The following ACTN2 variants were observed in gnomAD, a reference collection of about 807,000 sequenced individuals.
ACTN2 encodes actinin alpha 2.
Under a neutral mutation model 113.8 loss-of-function variants are expected in ACTN2, and 39 were observed. The observed-to-expected ratio is 0.34, with a 90% CI of 0.27 to 0.45. The LOEUF is 0.45. Among genes scored for constraint, ACTN2 ranks in the 20% least tolerant of loss-of-function variants. The pLI is 1.00. For missense variants in ACTN2, 992 were observed against 1,177.9 expected, an observed-to-expected ratio of 0.84 and a Z score of 2.31; for synonymous variants, 429 against 444.1, an observed-to-expected ratio of 0.97 and a Z score of 0.43.
chr1:236,721,009 GTTTTTGTTTTTTGTTT>G (rs1286669960), intron 4 of ACTN2, among the ~76,000 whole-genome samples: 2 of 5,818 alleles, frequency 3.4e-4, no homozygotes, highest in African/African-American at 7.9e-4. Flanking sequence ...TCTGACTCTG[GTTTTTGTTTTTTGTTT>G]TTTTTTTTTT....
In ACTN2 at chr1:236,763,243, A is replaced by AT; in HGVS notation, c.*627dup. ...AAATAGTTTATGTCATCTCTTCATT[A>AT]TTTAGGGCTGGATGGTCAACTCAGT... is the stretch of plus-strand genomic sequence containing the variant. On this transcript the variant is annotated 3_prime_UTR_variant, in exon 21 of 21. Transcript: ENST00000366578. 1 of 158,274 alleles carries AT rather than the reference A, an allele frequency of 6.3e-6. No individual in the cohort carries two copies. The highest frequency in any genetic ancestry group is 2.4e-5 in the African/African-American group (1 of 41,470). The allele number at this position is 158,274 out of a possible 1,614,324, so 9.8% of individuals were successfully genotyped here. A position where few individuals can be genotyped will look rare whatever the true frequency, so the allele number is the denominator to read the frequency against.
intron 1 of ACTN2, among the ~76,000 whole-genome samples, chr1:236,709,959 T>G (rs1446441168): frequency 5.3e-5 from 8 of 152,232 alleles, no homozygotes; most frequent in Non-Finnish European, 1.2e-4. Flanking sequence ...TTGCCAAATT[T>G]TTTTTTTGGA....
chr1:236,702,365 G>A (rs1472844354), intron 1 of ACTN2, among the ~76,000 whole-genome samples: 1 of 152,124 alleles, frequency 6.6e-6, no homozygotes, highest in Non-Finnish European at 1.5e-5. Context: ...TTAAAGATAT[G>A]TATTTAAATA....
chr1:236,715,377 A>G (rs1452949196), intron 1 of ACTN2, among the ~76,000 whole-genome samples: 3 of 146,408 alleles, frequency 2.0e-5, no homozygotes, highest in Non-Finnish European at 3.0e-5. Context: ...AAATAAATAC[A>G]TAAAATTAAT....
In ACTN2 at chr1:236,743,004, T is replaced by G. The variant is rs1572135580; in HGVS notation, c.1216T>G (p.Phe406Val). ...LERLEHLAEK[F>V]RQKASTHETW... Reference sequence around the variant, plus strand: ...GCGCTTGGAACACCTGGCTGAGAAGTTCAGGCAGAAGGCCTCAACGCACGA... The same window carrying G: ...GCGCTTGGAACACCTGGCTGAGAAGGTCAGGCAGAAGGCCTCAACGCACGA... The change falls in exon 11 of 21, where the codon TTC becomes GTC. Residue 406 changes from phenylalanine (F) to valine (V), a missense_variant. Phe to Val is a conservative substitution (Grantham distance 50). Transcript: ENST00000366578. The G allele has an allele frequency of 1.9e-6, 3 of 1,614,052 alleles. No homozygotes were observed. The highest frequency in any genetic ancestry group is 2.5e-6 in the Non-Finnish European group (3 of 1,180,014).
At chr1:236,713,550 A>G (rs1658115934) in intron 1 of ACTN2, among the ~76,000 whole-genome samples, 1 of 150,558 alleles carries the variant, frequency 6.6e-6, no homozygotes, top group Admixed American at 6.6e-5. Flanking sequence ...TGTATATCCT[A>G]TGATTTGTGT....
In ACTN2 at chr1:236,739,324, C is replaced by A. The variant is rs144025957; in HGVS notation, c.899C>A (p.Thr300Lys). 2 of 1,613,992 alleles carry A rather than the reference C, an allele frequency of 1.2e-6. No homozygotes were observed. Among genetic ancestry groups the A allele is most frequent in the South Asian group, 2.2e-5 (2 of 91,068 alleles). The part of the protein sequence containing the change: ...ASELLEWIRR[T>K]IPWLENRTPE... ...CAGCTTTTGGAATGGATTCGTCGCA[C>A]GATCCCCTGGCTGGAGAACCGGACT... Residue 300 changes from threonine (T) to lysine (K), a missense_variant, in exon 10 of 21, where the codon ACG (threonine) becomes AAG (lysine). Thr to Lys is a moderately conservative substitution (Grantham distance 78, BLOSUM62 -1). Transcript: ENST00000366578.
At chr1:236,746,037 G>A (rs571793320) in intron 12 of ACTN2, among the ~76,000 whole-genome samples, 15 of 151,576 alleles carry the variant, frequency 9.9e-5, no homozygotes, top group Non-Finnish European at 1.9e-4. Context: ...ATGGTGGCGG[G>A]CACCTGTAGT....
intron 14 of ACTN2, among the ~76,000 whole-genome samples, chr1:236,749,822 G>A (rs1213263130): frequency 7.2e-5 from 11 of 151,798 alleles, no homozygotes; most frequent in African/African-American, 2.4e-4. Context: ...CAACAACAAC[G>A]ACAACTACAA....
At chr1:236,715,831 C>T (rs1393473358) in intron 1 of ACTN2, among the ~76,000 whole-genome samples, 2 of 152,178 alleles carry the variant, frequency 1.3e-5, no homozygotes, top group African/African-American at 4.8e-5. Context: ...TGGCAGGCAC[C>T]TGTATTCCTA....
intron 11 of ACTN2, among the ~76,000 whole-genome samples, 179 bp from the exon 12 acceptor site, chr1:236,744,447 A>G (rs1659164012): frequency 1.3e-5 from 2 of 152,192 alleles, no homozygotes; most frequent in African/African-American, 4.8e-5. Flanking sequence ...GGGCTGGGGC[A>G]TCCTCAGCAG....
At chr1:236,701,014 T>A (rs1657657571) in intron 1 of ACTN2, among the ~76,000 whole-genome samples, 1 of 152,154 alleles carries the variant, frequency 6.6e-6, no homozygotes, top group Non-Finnish European at 1.5e-5. Flanking sequence ...CTCTGTTCCT[T>A]ATGAAATGAA....
At chr1:236,720,363 G>C (rs1038747804) in intron 4 of ACTN2, among the ~76,000 whole-genome samples, 172 bp downstream of exon 4, 2 of 152,208 alleles carry the variant, frequency 1.3e-5, no homozygotes, top group Non-Finnish European at 2.9e-5. Flanking sequence ...CGGCAGCACT[G>C]TTTCATTCAT....
chr1:236,742,009 C>T (rs537128122), intron 10 of ACTN2, among the ~76,000 whole-genome samples: 2 of 152,140 alleles, frequency 1.3e-5, no homozygotes, highest in Non-Finnish European at 2.9e-5. Context: ...CCCTCTTGGG[C>T]GTTCGAGTTT....
At chr1:236,694,309 G>A (rs1324977766) in intron 1 of ACTN2, among the ~76,000 whole-genome samples, 3 of 143,868 alleles carry the variant, frequency 2.1e-5, no homozygotes, top group East Asian at 2.1e-4. Context: ...CACAACCTCC[G>A]CCTCCCAGGT....
At chr1:236,694,514 C>T (rs559140222) in intron 1 of ACTN2, among the ~76,000 whole-genome samples, 3 of 152,224 alleles carry the variant, frequency 2.0e-5, no homozygotes, top group East Asian at 3.9e-4. Flanking sequence ...TGAGCCACCA[C>T]GCCTGGCCCG....
intron 1 of ACTN2, among the ~76,000 whole-genome samples, chr1:236,703,292 A>G (rs1273697724): frequency 6.6e-6 from 1 of 152,160 alleles, no homozygotes; most frequent in Non-Finnish European, 1.5e-5. Flanking sequence ...TTCTCCACGT[A>G]GTTTGTGCCA....
chr1:236,692,789 G>A lies in ACTN2; in HGVS notation c.126+5990G>A, dbSNP rs1666132204. 5.2e-4 allele frequency among the ~76,000 whole-genome samples: 3 copies of A among 5,806 alleles called. No homozygotes were observed. In the South Asian group the frequency reaches 0.21, roughly 415 times the overall value. 3.8% of individuals were successfully genotyped at this position (5,806 alleles called of 152,430 possible). On this transcript the variant is annotated intron_variant, in intron 1 of 20. Transcript: ENST00000366578. Reference sequence around the variant, plus strand: ...GGTAAGAAACTTAAGCCCATTATAAGATTTTCCAGAGTGTGGGAGGAGGAA... The same window carrying A: ...GGTAAGAAACTTAAGCCCATTATAAAATTTTCCAGAGTGTGGGAGGAGGAA...
intron 1 of ACTN2, among the ~76,000 whole-genome samples, chr1:236,703,433 C>CTTTTTTTTTT (rs35432183): frequency 8.2e-4 from 81 of 98,798 alleles, no homozygotes; most frequent in East Asian, 1.5e-3. Flanking sequence ...GGCCTACTAC[C>CTTTTTTTTTT]TTTTTTTTTT....
Sources: allele counts gnomAD v4.1 joint callset (sites outside exome capture counted in the v4.1 genomes callset), GRCh38; gene constraint gnomAD v4.1.1; transcripts MANE v1.5; gene names NCBI Gene and HGNC (gene_info 2026-07-23, HGNC 2026-07-21).